Variants in ARMC2 observed in about 807,000 individuals in gnomAD.
ARMC2 encodes the protein armadillo repeat containing 2, also known as armadillo repeat-containing protein 2.
ARMC2 carries 67 observed loss-of-function variants against 90.3 expected under a neutral mutation model. The observed-to-expected ratio is 0.74, with a 90% CI of 0.61 to 0.91. The LOEUF (loss-of-function observed/expected upper bound fraction) is 0.91, where lower values mean the gene tolerates loss of function less well. Among genes scored for constraint, ARMC2 ranks in the 40% least tolerant of loss-of-function variants. The pLI, the probability that ARMC2 is intolerant of heterozygous loss-of-function variation, is 0.00. For missense variants in ARMC2, 920 were observed against 1,030.9 expected (o/e 0.89, Z 1.47); for synonymous variants, 393 against 393.0 (o/e 1.00, Z 0.00).
chr6:108,956,283 A>G (rs1445729980), intron 13 of ARMC2, among the ~76,000 whole-genome samples: 1 of 152,242 alleles, frequency 6.6e-6, no homozygotes, highest in Non-Finnish European at 1.5e-5. Context: ...TCACATATAA[A>G]GTGAAAAAAC....
At chr6:108,922,012 C>G (rs762280124) in intron 10 of ARMC2, among the ~76,000 whole-genome samples, 3 of 152,236 alleles carry the variant, frequency 2.0e-5, no homozygotes, top group Non-Finnish European at 4.4e-5. Flanking sequence ...ACAAGCTCCT[C>G]TGATCTGGGG....
At chr6:108,925,338 C>G (rs1400838810) in intron 10 of ARMC2, among the ~76,000 whole-genome samples, 1 of 152,180 alleles carries the variant, frequency 6.6e-6, no homozygotes, top group Non-Finnish European at 1.5e-5. Flanking sequence ...GATGTCCACC[C>G]CTTCATTCAT....
At chr6:109,030,460 C>A in the ARMC2 span, among the ~76,000 whole-genome samples, 2 of 152,094 alleles carry the variant, frequency 1.3e-5, no homozygotes, top group Non-Finnish European at 2.9e-5. Context: ...TCCAATGTAT[C>A]AATAGATGAG....
At chr6:109,025,996 T>TA in the ARMC2 span, among the ~76,000 whole-genome samples, 2 of 151,162 alleles carry the variant, frequency 1.3e-5, no homozygotes, top group African/African-American at 2.4e-5. Flanking sequence ...CAGAATAACT[T>TA]AAAAAAATTA....
chr6:108,996,462 T>C, the ARMC2 span, among the ~76,000 whole-genome samples: 1 of 152,322 alleles, frequency 6.6e-6, no homozygotes, highest in South Asian at 2.1e-4. Context: ...AAAAGATCTC[T>C]GTCAACTCAC....
chr6:108,868,828 C>G lies in ARMC2; in HGVS notation c.296C>G (p.Pro99Arg). ...GTRLSPLELK[P>R]KVPASPTREE... is the part of the protein sequence containing the mutation. The stretch of plus-strand genomic sequence containing the variant: ...TTTAAAAAAATCTCTTTCCAGAAAC[C>G]GAAAGTTCCAGCATCTCCCACCAGA... Residue 99 changes from proline to arginine, a missense_variant, in exon 4 of 18, where the codon CCG (proline) becomes CGG (arginine). Pro to Arg is a moderately radical substitution (Grantham distance 103). Coordinates refer to ENST00000392644, the MANE Select transcript of ARMC2 (RefSeq NM_032131.6). 2 of 1,609,134 alleles carry G rather than the reference C, an allele frequency of 1.2e-6. No individual in the cohort carries two copies. The highest frequency in any genetic ancestry group is 1.7e-6 in the Non-Finnish European group (2 of 1,178,520).
the ARMC2 span, among the ~76,000 whole-genome samples, chr6:109,051,397 G>T: frequency 6.6e-6 from 1 of 152,166 alleles, no homozygotes; most frequent in African/African-American, 2.4e-5. Context: ...CATAAAAGGA[G>T]TTGAACAAAC....
At chr6:108,881,985 A>G (rs1267692078) in intron 5 of ARMC2, among the ~76,000 whole-genome samples, 1 of 152,166 alleles carries the variant, frequency 6.6e-6, no homozygotes, top group African/African-American at 2.4e-5. Context: ...ATAGGAACCA[A>G]CGTGGGACTT....
At chr6:109,019,521 G>T in the ARMC2 span, among the ~76,000 whole-genome samples, 1 of 152,082 alleles carries the variant, frequency 6.6e-6, no homozygotes, top group African/African-American at 2.4e-5. Context: ...GCCTGTCCTG[G>T]GTCTAGTCTA....
At chr6:109,034,900 G>A in the ARMC2 span, among the ~76,000 whole-genome samples, 1 of 152,160 alleles carries the variant, frequency 6.6e-6, no homozygotes, top group Non-Finnish European at 1.5e-5. Flanking sequence ...TATTTACAAG[G>A]AAGAAAAATA....
Position 108,953,215 on chromosome 6 carries a change from G to A in ARMC2, c.1779G>A (p.Ala593=), listed in dbSNP as rs41287540. The change falls in exon 13 of 18, where the codon GCG becomes GCA. Residue 593 remains alanine, a synonymous_variant. Transcript: ENST00000392644. ...GCCAACGAGGCGAGCAGCACAGGGC[G>A]CAGAGGCCGCCGTCAGAGGCAGAGG... The part of the protein sequence containing the change: ...PVGQRGEQHR[A]QRPPSEAEDV... The A allele has an allele frequency of 0.015, 24,608 of 1,613,948 alleles. 280 individuals carry two copies. The highest frequency in any genetic ancestry group is 0.042 in the Middle Eastern group (252 of 6,062).
chr6:108,942,259 G>A (rs72935128), intron 12 of ARMC2, among the ~76,000 whole-genome samples: 19,258 of 152,170 alleles, frequency 0.13, 1,616 homozygotes, highest in Non-Finnish European at 0.19. Flanking sequence ...TCTAGTACTC[G>A]AGTGCTTCTT....
chr6:109,025,691 CTT>C, the ARMC2 span, among the ~76,000 whole-genome samples: 9 of 151,728 alleles, frequency 5.9e-5, no homozygotes, highest in Non-Finnish European at 1.2e-4. Context: ...ATAATTAAAA[CTT>C]AAAATTCAAT....
At chr6:108,989,472 T>TCTAG in the ARMC2 span, among the ~76,000 whole-genome samples, 1 of 146,014 alleles carries the variant, frequency 6.8e-6, no homozygotes, top group South Asian at 2.1e-4. Context: ...GATATAGAAA[T>TCTAG]ATCTGTATAT....
At chr6:109,003,927 TCTTA>T in the ARMC2 span, among the ~76,000 whole-genome samples, 10 of 152,206 alleles carry the variant, frequency 6.6e-5, no homozygotes, top group Admixed American at 4.6e-4. Flanking sequence ...TTGAAAACTG[TCTTA>T]CTTAAACAAA....
At chr6:108,994,983 C>T in the ARMC2 span, among the ~76,000 whole-genome samples, 4 of 151,998 alleles carry the variant, frequency 2.6e-5, no homozygotes, top group South Asian at 4.1e-4. Flanking sequence ...GGATTACAGG[C>T]GTGAGCCACT....
chr6:108,931,545 G>A (rs1365327843), intron 11 of ARMC2, among the ~76,000 whole-genome samples: 1 of 151,944 alleles, frequency 6.6e-6, no homozygotes, highest in Non-Finnish European at 1.5e-5. Context: ...TACCAACAGT[G>A]TATGAGTGTT....
rs113667720 is a variant in ARMC2, at chr6:108,972,839, ATT to A, written c.2447-504_2447-503del. Among the ~76,000 whole-genome samples, 286 of 137,862 alleles carry A rather than the reference ATT, an allele frequency of 2.1e-3. 2 individuals are homozygous for A. Among genetic ancestry groups the A allele is most frequent in the African/African-American group, 7.3e-3 (274 of 37,342 alleles). 90.4% of individuals were successfully genotyped at this position (137,862 alleles called of 152,430 possible). A position where few individuals can be genotyped will look rare whatever the true frequency, so the allele number is the denominator to read the frequency against. On this transcript the variant is annotated intron_variant, in intron 17 of 17. Coordinates refer to ENST00000392644, the MANE Select transcript of ARMC2 (RefSeq NM_032131.6). The stretch of plus-strand genomic sequence containing the variant: ...GCCCCCATGCCCAGATAATCTTCTG[ATT>A]TTTTTTTTTTTTTCTGAGCTGTCAC...
the ARMC2 span, chr6:109,009,317 G>T: frequency 6.9e-7 from 1 of 1,447,350 alleles, no homozygotes; most frequent in Non-Finnish European, 9.1e-7. Context: ...GTGCCCACCC[G>T]CCCAGGTACC....
Sources: allele counts gnomAD v4.1 joint callset (sites outside exome capture counted in the v4.1 genomes callset), GRCh38; gene constraint gnomAD v4.1.1; transcripts MANE v1.5; gene names NCBI Gene and HGNC (gene_info 2026-07-23, HGNC 2026-07-21).